Variants in PRRC2B observed in about 807,000 individuals in gnomAD.
PRRC2B encodes the protein protein PRRC2B.
PRRC2B carries 68 observed loss-of-function variants against 242.3 expected under a neutral mutation model. That is an observed-to-expected ratio of 0.28 (90% CI 0.23 to 0.34). The LOEUF (loss-of-function observed/expected upper bound fraction) is 0.34. PRRC2B is among the 10% of genes least tolerant of loss of function. PRRC2B has a pLI of 1.00. For synonymous variants in PRRC2B, 1,228 were observed against 1,173.6 expected, an observed-to-expected ratio of 1.05 and a Z score of -0.95; for missense variants, 2,835 against 2,954.8, an observed-to-expected ratio of 0.96 and a Z score of 0.94.
At chr9:131,480,230 C>T (rs1564298797) in intron 19 of PRRC2B, among the ~76,000 whole-genome samples, 2 of 152,234 alleles carry the variant, frequency 1.3e-5, no homozygotes, top group Admixed American at 1.3e-4. Flanking sequence ...ACACTGAGTT[C>T]TGGGCCTTGA....
intron 11 of PRRC2B, among the ~76,000 whole-genome samples, chr9:131,462,056 T>C (rs1943256396): frequency 1.3e-5 from 2 of 152,212 alleles, no homozygotes; most frequent in Non-Finnish European, 2.9e-5. Flanking sequence ...GTATTCCTTT[T>C]TTTTTCCTTT....
chr9:131,407,180 G>C (rs902448992), intron 1 of PRRC2B, among the ~76,000 whole-genome samples: 1 of 152,158 alleles, frequency 6.6e-6, no homozygotes, highest in African/African-American at 2.4e-5. Flanking sequence ...TAATTAACAA[G>C]TGCTGCTTCC....
chr9:131,454,605 G>A (rs114012640), intron 9 of PRRC2B, among the ~76,000 whole-genome samples: 5 of 151,838 alleles, frequency 3.3e-5, no homozygotes, highest in African/African-American at 4.8e-5. Context: ...GAACCTCTCC[G>A]ATGGTGCCTG....
At chr9:131,408,865 A>G (rs1837434807) in intron 1 of PRRC2B, among the ~76,000 whole-genome samples, 1 of 151,892 alleles carries the variant, frequency 6.6e-6, no homozygotes. Context: ...GATTACAGGC[A>G]TGTGCCACCA....
intron 1 of PRRC2B, among the ~76,000 whole-genome samples, chr9:131,377,451 CT>C (rs1364759789): frequency 6.6e-6 from 1 of 152,112 alleles, no homozygotes; most frequent in East Asian, 1.9e-4. Context: ...CACAATTGTA[CT>C]TTTGGAGGAT....
At position 131,388,335 on chromosome 9, in the gene PRRC2B, G is replaced by A. The variant is rs1836853013; in HGVS notation, c.-56+14604G>A. Among the ~76,000 whole-genome samples the A allele has an allele frequency of 2.0e-5, 3 of 146,712 alleles. No homozygotes were observed. The South Asian group carries it at 6.5e-4, about 32-fold the overall frequency. The stretch of plus-strand genomic sequence containing the variant: ...GGCTTACTGCTACCTCCACCTCCCA[G>A]GTTCAAGCAATTCTCCTGCCTCAGC... On this transcript the variant is annotated intron_variant, in intron 1 of 1. Coordinates refer to the PRRC2B transcript ENST00000682525.
intron 1 of PRRC2B, among the ~76,000 whole-genome samples, chr9:131,396,853 C>T (rs1417594125): frequency 1.3e-5 from 2 of 152,024 alleles, no homozygotes; most frequent in Non-Finnish European, 2.9e-5. Flanking sequence ...CAGACTGAAC[C>T]CAGTGTTGGC....
intron 9 of PRRC2B, among the ~76,000 whole-genome samples, chr9:131,450,756 T>G: frequency 6.6e-6 from 1 of 151,822 alleles, no homozygotes; most frequent in East Asian, 1.9e-4. Context: ...CCCTACTAAT[T>G]GTTGTATTTT....
intron 1 of PRRC2B, among the ~76,000 whole-genome samples, chr9:131,410,220 C>G (rs1490728816): frequency 6.6e-6 from 1 of 152,222 alleles, no homozygotes; most frequent in African/African-American, 2.4e-5. Flanking sequence ...CAGGCTTCAG[C>G]CCAAGCCTGC....
At chr9:131,389,286 A>G (rs1282373950), upstream of PRRC2B, among the ~76,000 whole-genome samples, 2 of 147,550 alleles carry the variant, frequency 1.4e-5, no homozygotes, top group Admixed American at 7.2e-5. Context: ...CTCCCAAGTA[A>G]CTGGGATTAC....
rs533488860 is a variant in PRRC2B, at chr9:131,395,160, C to CTCA, written c.-52+898_-52+899insCAT. ...AATTGGAGGTGTTTTCAGTGGTGAG[C>CTCA]TTGAAGGAAGTGGGAGAAGGGGGGC... On this transcript the variant is annotated intron_variant, in intron 1 of 31. Coordinates refer to ENST00000683519, the MANE Select transcript of PRRC2B (RefSeq NM_013318.4). 3.8e-3 allele frequency among the ~76,000 whole-genome samples: 579 copies of CTCA among 152,026 alleles called. 4 individuals are homozygous for CTCA. Among genetic ancestry groups the CTCA allele is most frequent in the African/African-American group, 0.013 (555 of 41,470 alleles).
Position 131,474,972 on chromosome 9 carries a change from A to G in PRRC2B, c.2843A>G (p.Lys948Arg). Residue 948 changes from lysine (K) to arginine (R), a missense_variant, in exon 16 of 32, where the codon AAA (lysine) becomes AGA (arginine). Around this residue, in one of 7 missense-constraint regions of PRRC2B, gnomAD observed 1,536 missense variants for 1,483.1 expected, o/e 1.04. Transcript: ENST00000683519. ...GGACCCATCAAGAAACCAGTCCTGA[A>G]AGCCCTCAAGGTGGAAGACAAGGAG... ...RSGPIKKPVL[K>R]ALKVEDKEKE... 1 of 1,598,198 alleles carries G rather than the reference A, an allele frequency of 6.3e-7. No individual in the cohort carries two copies. The highest frequency in any genetic ancestry group is 8.5e-7 in the Non-Finnish European group (1 of 1,172,620).
chr9:131,414,367 C>G (rs1360528090), intron 1 of PRRC2B, among the ~76,000 whole-genome samples: 1 of 55,484 alleles, frequency 1.8e-5, no homozygotes, highest in Non-Finnish European at 4.9e-5. Context: ...AAAGCAGTAA[C>G]CAAAGTAGAA....
upstream of PRRC2B, among the ~76,000 whole-genome samples, chr9:131,390,037 C>T (rs1310699092): frequency 6.8e-6 from 1 of 146,828 alleles, no homozygotes; most frequent in Non-Finnish European, 1.5e-5. Context: ...TCTCCTGCCT[C>T]AGCCTCCCGA....
At chr9:131,493,750 G>T (rs925094557) in intron 30 of PRRC2B, among the ~76,000 whole-genome samples, 1 of 152,200 alleles carries the variant, frequency 6.6e-6, no homozygotes, top group African/African-American at 2.4e-5. Flanking sequence ...CAGGTCCTTG[G>T]GGGAGTGCTG....
chr9:131,422,914 G>T (rs147430629), intron 1 of PRRC2B, among the ~76,000 whole-genome samples: 1 of 151,980 alleles, frequency 6.6e-6, no homozygotes, highest in African/African-American at 2.4e-5. Context: ...TTTTTCATCT[G>T]CCTAATGGCA....
At chr9:131,453,224 GACTT>G (rs1232462312) in intron 9 of PRRC2B, among the ~76,000 whole-genome samples, 3 of 152,008 alleles carry the variant, frequency 2.0e-5, no homozygotes, top group African/African-American at 7.3e-5. Flanking sequence ...CCATTGCTCT[GACTT>G]ACTGTTTTCA....
intron 30 of PRRC2B, among the ~76,000 whole-genome samples, chr9:131,493,279 C>T (rs1332672336): frequency 1.3e-5 from 2 of 152,228 alleles, no homozygotes; most frequent in East Asian, 3.8e-4. Flanking sequence ...ACTCTCCTGG[C>T]TTCATTTATT....
chr9:131,436,400 C>T (rs1838373273), intron 3 of PRRC2B, among the ~76,000 whole-genome samples: 1 of 152,224 alleles, frequency 6.6e-6, no homozygotes, highest in African/African-American at 2.4e-5. Context: ...AGAGGACTGT[C>T]TTGTGCTAAT....
Sources: gnomAD v4.1 joint callset for allele counts (sites outside exome capture counted in the v4.1 genomes callset) on GRCh38, gnomAD v4.1.1 for gene constraint, gnomAD v4.1.1 regional missense constraint, MANE v1.5 for transcripts, NCBI Gene and HGNC (gene_info 2026-07-23, HGNC 2026-07-21) for gene names.